KLRG2: variants seen among roughly 807,000 people sequenced by gnomAD.
The protein encoded by KLRG2 is killer cell lectin like receptor G2.
Under a neutral mutation model 35.4 loss-of-function variants are expected in KLRG2, and 39 were observed. The observed-to-expected ratio is 1.10, with a 90% CI of 0.85 to 1.44. The LOEUF (loss-of-function observed/expected upper bound fraction) is 1.44, where lower values mean the gene tolerates loss of function less well. Among genes scored for constraint, KLRG2 ranks in the 40% most tolerant of loss-of-function variants. The probability of loss-of-function intolerance (pLI) is 0.00; values close to 1 mark genes in which losing one functional copy is unlikely to be tolerated. For synonymous variants in KLRG2, 283 were observed against 265.8 expected, an observed-to-expected ratio of 1.06 and a Z score of -0.63; for missense variants, 632 against 570.9, an observed-to-expected ratio of 1.11 and a Z score of -1.09.
chr7:139,453,406 C>T lies in KLRG2; in HGVS notation c.*181G>A, dbSNP rs1372780792. 1.5e-5 allele frequency: 9 copies of T among 607,324 alleles called. No individual in the cohort carries two copies. Among genetic ancestry groups the T allele is most frequent in the Non-Finnish European group, 2.3e-5 (8 of 353,712 alleles). The allele number at this position is 607,324 out of a possible 1,614,324, so 37.6% of individuals were successfully genotyped here. A position where few individuals can be genotyped will look rare whatever the true frequency, so the allele number is the denominator to read the frequency against. Reference sequence around the variant, plus strand: ...CTGAGGCCATAGAAAATCTCCTTTCCCTCGGATGCATCTTCCTGGGTTGAA... The same window carrying T: ...CTGAGGCCATAGAAAATCTCCTTTCTCTCGGATGCATCTTCCTGGGTTGAA... On this transcript the variant is annotated 3_prime_UTR_variant, in exon 5 of 5. Coordinates refer to ENST00000340940, the MANE Select transcript of KLRG2 (RefSeq NM_198508.4).
intron 3 of KLRG2, among the ~76,000 whole-genome samples, chr7:139,475,677 A>G (rs1796838076): frequency 6.6e-6 from 1 of 152,168 alleles, no homozygotes; most frequent in Admixed American, 6.6e-5. Context: ...ATCATTTAAA[A>G]TACCCTTTGT....
At chr7:139,448,026 G>C (rs978416657), downstream of KLRG2, among the ~76,000 whole-genome samples, 4 of 152,180 alleles carry the variant, frequency 2.6e-5, no homozygotes, top group East Asian at 7.7e-4. Flanking sequence ...GACAGGTCTG[G>C]CTCTGTCACT....
chr7:139,477,914 G>A (rs905691533), intron 3 of KLRG2, among the ~76,000 whole-genome samples: 8 of 151,882 alleles, frequency 5.3e-5, no homozygotes, highest in East Asian at 1.9e-4. Context: ...GCCCGCCACC[G>A]CGCCCGGCTA....
chr7:139,477,284 G>A (rs1033055460), intron 3 of KLRG2, among the ~76,000 whole-genome samples: 1 of 152,180 alleles, frequency 6.6e-6, no homozygotes, highest in African/African-American at 2.4e-5. Flanking sequence ...CAAATTCATA[G>A]CTGCATTATT....
At position 139,480,242 on chromosome 7, in the gene KLRG2, G is replaced by A. The variant is rs553702318; in HGVS notation, c.763C>T (p.Pro255Ser). 4.2e-5 allele frequency: 67 copies of A among 1,592,140 alleles called. 1 individual carries two copies. The East Asian group carries it at 4.2e-4, about 10-fold the overall frequency. Residue 255 changes from proline to serine, a missense_variant, in exon 2 of 5, where the codon CCC becomes TCC. Physicochemically the swap from Pro to Ser is moderately conservative, Grantham distance 74. Transcript: ENST00000340940. ...LPRAVTLTGL[P>S]MYVKSLYWAL... ...CAGTACAGGGACTTCACGTACATGG[G>A]TAGCCCTGGGACGGGGGCAAACAGG...
At position 139,482,736 on chromosome 7, in the gene KLRG2, G is replaced by A. The variant is rs1585180383; in HGVS notation, c.757+150C>T. 11 of 560,410 alleles carry A rather than the reference G, an allele frequency of 2.0e-5. No homozygotes were observed. In the East Asian group the frequency reaches 3.8e-4, roughly 20 times the overall value. The allele number at this position is 560,410 out of a possible 1,614,324, so 34.7% of individuals were successfully genotyped here. On this transcript the variant is annotated intron_variant, in intron 1 of 4. Transcript: ENST00000340940. ...CAGGAATGTTATTGATTGTAAGCCC[G>A]AGAGGCCAGATCGGGTTGGGGATCG... is the stretch of plus-strand genomic sequence containing the variant.
the KLRG2 span, among the ~76,000 whole-genome samples, chr7:139,442,143 G>A: frequency 6.6e-6 from 1 of 152,220 alleles, no homozygotes; most frequent in Non-Finnish European, 1.5e-5. Context: ...GGATGCTCAG[G>A]TAGGGACTTG....
Position 139,483,116 on chromosome 7 carries a change from G to A in KLRG2, c.527C>T (p.Pro176Leu). ...DPAHQLLLRAPSQGGTWGRRS... is the reference protein window; with the variant it reads ...DPAHQLLLRALSQGGTWGRRS... ...GCGGCCCCACGTGCCGCCCTGGGAT[G>A]GTGCGCGCAGCAGGAGCTGGTGCGC... The change falls in exon 1 of 5, where the codon CCA (proline) becomes CTA (leucine). Residue 176 changes from proline to leucine, a missense_variant. Physicochemically the swap from Pro to Leu is moderately conservative, Grantham distance 98. Coordinates refer to ENST00000340940, the MANE Select transcript of KLRG2 (RefSeq NM_198508.4). 1.4e-6 allele frequency: 2 copies of A among 1,476,258 alleles called. No individual in the cohort carries two copies. Among genetic ancestry groups the A allele is most frequent in the Admixed American group, 4.8e-5 (2 of 41,408 alleles). 91.4% of individuals were successfully genotyped at this position (1,476,258 alleles called of 1,614,324 possible).
the KLRG2 span, among the ~76,000 whole-genome samples, chr7:139,440,261 C>T: frequency 6.6e-6 from 1 of 151,382 alleles, no homozygotes; most frequent in African/African-American, 2.4e-5. Flanking sequence ...AGGTGTGTGC[C>T]ACCACACCTG....
chr7:139,470,063 C>T (rs981213053), intron 3 of KLRG2, among the ~76,000 whole-genome samples: 1 of 143,688 alleles, frequency 7.0e-6, no homozygotes, highest in Non-Finnish European at 1.5e-5. Context: ...GTAAGCAATT[C>T]TTTTTTTTTT....
At chr7:139,445,275 T>A in the KLRG2 span, among the ~76,000 whole-genome samples, 1 of 151,992 alleles carries the variant, frequency 6.6e-6, no homozygotes, top group South Asian at 2.1e-4. Flanking sequence ...AGAGACGGGG[T>A]TTCCCCATGT....
chr7:139,436,846 G>C, the KLRG2 span, among the ~76,000 whole-genome samples: 1 of 152,228 alleles, frequency 6.6e-6, no homozygotes, highest in Non-Finnish European at 1.5e-5. Context: ...GGGCATGGCA[G>C]AGTCACCACA....
At chr7:139,431,684 GTCAGTT>G in the KLRG2 span, among the ~76,000 whole-genome samples, 3 of 152,310 alleles carry the variant, frequency 2.0e-5, no homozygotes, top group African/African-American at 7.2e-5. Context: ...AATGTTGAGT[GTCAGTT>G]TCAAACAATA....
chr7:139,471,072 T>TC (rs1297290904), intron 3 of KLRG2, among the ~76,000 whole-genome samples: 1 of 151,786 alleles, frequency 6.6e-6, no homozygotes, highest in Non-Finnish European at 1.5e-5. Flanking sequence ...GGTCCTGAGC[T>TC]CCTGACCTCA....
At chr7:139,479,561 T>A in intron 3 of KLRG2, 66 bp downstream of exon 3, 1 of 1,483,040 alleles carries the variant, frequency 6.7e-7, no homozygotes, top group Non-Finnish European at 9.2e-7. Flanking sequence ...TAAGCTTCTT[T>A]CCAGTGCTAG....
At chr7:139,482,853 C>T in intron 1 of KLRG2, 33 bp downstream of exon 1, 2 of 1,368,264 alleles carry the variant, frequency 1.5e-6, no homozygotes, top group Non-Finnish European at 1.9e-6. Flanking sequence ...CCCGACCTGG[C>T]GGCGTCGGCT....
At position 139,479,714 on chromosome 7, in the gene KLRG2, G is replaced by A. The variant is rs746810366; in HGVS notation, c.918C>T (p.Tyr306=). 1 of 1,614,060 alleles carries A rather than the reference G, an allele frequency of 6.2e-7. No individual in the cohort carries two copies. Among genetic ancestry groups the A allele is most frequent in the Non-Finnish European group, 8.5e-7 (1 of 1,180,014 alleles). ...CCCAGGCCTGCGCTTCTGCAGAGAA[G>A]TAGTAACAGTGCTCCTCGGACAACA... ...GWVLSEEHCY[Y]FSAEAQAWEA... Residue 306 remains tyrosine, a synonymous_variant, in exon 3 of 5, where the codon TAC becomes TAT. Transcript: ENST00000340940.
At chr7:139,462,672 C>T (rs147508842) in intron 3 of KLRG2, among the ~76,000 whole-genome samples, 2 of 152,310 alleles carry the variant, frequency 1.3e-5, no homozygotes, top group African/African-American at 4.8e-5. Context: ...CAGAAAACGG[C>T]ACTTTCGATT....
chr7:139,480,439 CTTTTTT>C (rs892455272), intron 1 of KLRG2, among the ~76,000 whole-genome samples, 192 bp from the exon 2 acceptor site: 4 of 85,226 alleles, frequency 4.7e-5, no homozygotes, highest in South Asian at 4.5e-4. Flanking sequence ...GCCAGATATT[CTTTTTT>C]TTTTTTTTTT....
Sources: gnomAD v4.1 joint callset for allele counts (sites outside exome capture counted in the v4.1 genomes callset) on GRCh38, gnomAD v4.1.1 for gene constraint, MANE v1.5 for transcripts, NCBI Gene and HGNC (gene_info 2026-07-23, HGNC 2026-07-21) for gene names.